The following SPMIP2 variants were observed in gnomAD, a reference collection of about 807,000 sequenced individuals.
SPMIP2 encodes the protein protein SPMIP2.
At chr4:158,918,993 G>A in the SPMIP2 span, among the ~76,000 whole-genome samples, 28 of 152,070 alleles carry the variant, frequency 1.8e-4, no homozygotes, top group African/African-American at 6.0e-4. Context: ...GATACTTTTC[G>A]TTTTTGTTGT....
chr4:159,030,709 C>T, the SPMIP2 span, among the ~76,000 whole-genome samples: 2 of 152,052 alleles, frequency 1.3e-5, no homozygotes, highest in Non-Finnish European at 2.9e-5. Flanking sequence ...GTTGGTCAGG[C>T]TGGTCTCAAA....
chr4:158,972,938 CATGT>C, the SPMIP2 span: 1 of 626,388 alleles, frequency 1.6e-6, no homozygotes, highest in South Asian at 2.1e-5. Context: ...TTTATTCACA[CATGT>C]GTCTTTCTGC....
chr4:158,971,238 A>G, the SPMIP2 span, among the ~76,000 whole-genome samples: 1 of 152,158 alleles, frequency 6.6e-6, no homozygotes, highest in African/African-American at 2.4e-5. Context: ...CCCAAGGAGA[A>G]ACACCAAGAC....
the SPMIP2 span, among the ~76,000 whole-genome samples, chr4:158,943,505 A>G: frequency 1.3e-5 from 2 of 152,354 alleles, no homozygotes; most frequent in African/African-American, 4.8e-5. Flanking sequence ...ACAAGACTTC[A>G]TAGACCACTG....
At chr4:159,026,546 G>T in the SPMIP2 span, 1 of 536,544 alleles carries the variant, frequency 1.9e-6, no homozygotes, top group South Asian at 1.6e-5. Context: ...CATCACTTTG[G>T]ACAGGAAATA....
At chr4:159,052,470 A>C in the SPMIP2 span, among the ~76,000 whole-genome samples, 1 of 152,172 alleles carries the variant, frequency 6.6e-6, no homozygotes, top group Admixed American at 6.5e-5. Context: ...AAACTCTGCA[A>C]CTAGCCAGTT....
the SPMIP2 span, among the ~76,000 whole-genome samples, chr4:159,056,135 T>C: frequency 1.3e-5 from 2 of 152,202 alleles, no homozygotes; most frequent in African/African-American, 4.8e-5. Flanking sequence ...GCTTAGAGAC[T>C]ATAGCAATAT....
the SPMIP2 span, among the ~76,000 whole-genome samples, chr4:159,043,942 T>TA: frequency 1.3e-5 from 2 of 152,330 alleles, no homozygotes; most frequent in East Asian, 3.9e-4. Flanking sequence ...GAGAGTCTTA[T>TA]AATTATAACA....
the SPMIP2 span, among the ~76,000 whole-genome samples, chr4:158,943,435 C>T: frequency 1.3e-5 from 2 of 152,174 alleles, no homozygotes; most frequent in African/African-American, 2.4e-5. Context: ...TTCCTCAAGA[C>T]CCCTGCTCAC....
At chr4:159,042,098 T>C in the SPMIP2 span, among the ~76,000 whole-genome samples, 1 of 152,268 alleles carries the variant, frequency 6.6e-6, no homozygotes, top group Non-Finnish European at 1.5e-5. Flanking sequence ...CTATTCCCTC[T>C]GTGGGCTATT....
chr4:158,951,241 C>T, the SPMIP2 span, among the ~76,000 whole-genome samples: 1 of 152,172 alleles, frequency 6.6e-6, no homozygotes, highest in Non-Finnish European at 1.5e-5. Flanking sequence ...TCCTGAGAAA[C>T]GTGCCAGTAG....
At chr4:158,974,974 TACTG>T in the SPMIP2 span, among the ~76,000 whole-genome samples, 1 of 152,226 alleles carries the variant, frequency 6.6e-6, no homozygotes, top group African/African-American at 2.4e-5. Context: ...GCATGTTGTT[TACTG>T]ACTTTTTAAT....
chr4:158,951,387 A>C, the SPMIP2 span, among the ~76,000 whole-genome samples: 1 of 152,222 alleles, frequency 6.6e-6, no homozygotes, highest in Admixed American at 6.5e-5. Context: ...TACTGTACTG[A>C]ATATTGTAGA....
the SPMIP2 span, among the ~76,000 whole-genome samples, chr4:158,990,950 G>T: frequency 6.6e-6 from 1 of 152,306 alleles, no homozygotes; most frequent in East Asian, 1.9e-4. Context: ...TGCCCAGGCT[G>T]AAGTGCAGTT....
chr4:159,017,158 C>A, the SPMIP2 span, among the ~76,000 whole-genome samples: 2 of 152,116 alleles, frequency 1.3e-5, no homozygotes, highest in Non-Finnish European at 2.9e-5. Flanking sequence ...TCAACATACC[C>A]TATTCCAGGC....
the SPMIP2 span, among the ~76,000 whole-genome samples, chr4:159,021,755 A>G: frequency 6.6e-6 from 1 of 152,210 alleles, no homozygotes; most frequent in African/African-American, 2.4e-5. Flanking sequence ...GAGAAAAGAA[A>G]GAAATCCCCA....
At chr4:158,997,435 G>A in the SPMIP2 span, among the ~76,000 whole-genome samples, 1 of 152,040 alleles carries the variant, frequency 6.6e-6, no homozygotes, top group Non-Finnish European at 1.5e-5. Context: ...TCACTGTGTT[G>A]GTCAGGCTGG....
At chr4:158,976,659 A>ATGTT in the SPMIP2 span, among the ~76,000 whole-genome samples, 1 of 94,732 alleles carries the variant, frequency 1.1e-5, no homozygotes, top group African/African-American at 4.8e-5. Context: ...ATGGATAAGC[A>ATGTT]TTTTTTTTTT....
the SPMIP2 span, among the ~76,000 whole-genome samples, chr4:158,980,491 A>C: frequency 6.6e-6 from 1 of 152,232 alleles, no homozygotes; most frequent in East Asian, 1.9e-4. Flanking sequence ...CTCTGGGACA[A>C]AGCTTACAGA....
Sources: gnomAD v4.1 joint callset for allele counts (sites outside exome capture counted in the v4.1 genomes callset) on GRCh38, gnomAD v4.1.1 for gene constraint, MANE v1.5 for transcripts, NCBI Gene and HGNC (gene_info 2026-07-23, HGNC 2026-07-21) for gene names.